The following SLC25A19 variants were observed in gnomAD, a reference collection of about 807,000 sequenced individuals.
SLC25A19 encodes the protein solute carrier family 25 member 19, also known as mitochondrial thiamine pyrophosphate carrier.
A neutral mutation model predicts 27.9 loss-of-function variants in SLC25A19; 18 were observed. That is an observed-to-expected ratio of 0.64 (90% CI 0.45 to 0.96). The LOEUF (loss-of-function observed/expected upper bound fraction) is 0.96, where lower values mean the gene tolerates loss of function less well. Among genes scored for constraint, SLC25A19 ranks in the 40% least tolerant of loss-of-function variants. The pLI is 0.00. For missense variants in SLC25A19, 371 were observed against 418.3 expected (o/e 0.89, Z 0.99); for synonymous variants, 169 against 167.1 (o/e 1.01, Z -0.09).
intron 7 of SLC25A19, among the ~76,000 whole-genome samples, chr17:75,274,121 A>T (rs1352461574): frequency 1.3e-5 from 2 of 152,194 alleles, no homozygotes; most frequent in Non-Finnish European, 2.9e-5. Flanking sequence ...GACTGAACAG[A>T]TGACAGGCCT....
At chr17:75,278,936 T>G (rs1941841341) in intron 5 of SLC25A19, among the ~76,000 whole-genome samples, 1 of 151,666 alleles carries the variant, frequency 6.6e-6, no homozygotes, top group Admixed American at 6.6e-5. Flanking sequence ...TGAGCTGAGA[T>G]TGTACCACGG....
intron 4 of SLC25A19, 36 bp from the exon 5 acceptor site, chr17:75,283,629 A>G (rs1567841149): frequency 6.2e-7 from 1 of 1,600,646 alleles, no homozygotes; most frequent in Non-Finnish European, 8.5e-7. Context: ...CGACAGCCCA[A>G]AGGATGAGGG....
intron 5 of SLC25A19, among the ~76,000 whole-genome samples, chr17:75,281,415 G>A (rs566520829): frequency 2.8e-4 from 43 of 152,190 alleles, no homozygotes; most frequent in Non-Finnish European, 5.7e-4. Context: ...ACTCGCAATT[G>A]GCCGGGCGTG....
At chr17:75,281,985 C>G (rs1451021681) in intron 5 of SLC25A19, among the ~76,000 whole-genome samples, 5 of 152,022 alleles carry the variant, frequency 3.3e-5, no homozygotes, top group African/African-American at 1.2e-4. Context: ...AGAACTCAAC[C>G]TCTGCCGAGT....
rs749764776 is a variant in SLC25A19 at position 75,278,320 on chromosome 17, G to T, written c.475C>A (p.Arg159Ser). The T allele has an allele frequency of 5.0e-6, 8 of 1,614,046 alleles. No individual in the cohort carries two copies. In the South Asian group the frequency reaches 7.7e-5, roughly 16 times the overall value. Reference protein sequence around the residue: ...QGEPKVYNTLRHAVGTMYRSE... With the variant: ...QGEPKVYNTLSHAVGTMYRSE... ...CTATACATGGTCCCCACGGCGTGGC[G>T]CAGCGTATTATAGACCTGGACACAC... Residue 159 changes from arginine to serine, a missense_variant, in exon 6 of 8, where the codon CGC (arginine) becomes AGC (serine). Physicochemically the swap from Arg to Ser is moderately radical, Grantham distance 110. Coordinates refer to ENST00000416858, the MANE Select transcript of SLC25A19 (RefSeq NM_001126121.2).
At position 75,286,416 on chromosome 17, in the gene SLC25A19, T is replaced by C; in HGVS notation, c.176A>G (p.Tyr59Cys). ...CCTAGAGGCCTGGAGGATGCCATGG[T>C]ACTTTGCGCTGGGGTCACTGCGAGA... is the stretch of plus-strand genomic sequence containing the variant. ...RLSRSDPSAK[Y>C]HGILQASRQI... The change falls in exon 4 of 8, where the codon TAC becomes TGC. Residue 59 changes from tyrosine (Y) to cysteine (C), a missense_variant. Tyr to Cys is a radical substitution (Grantham distance 194, BLOSUM62 -2). Transcript: ENST00000416858. 1 of 1,614,158 alleles carries C rather than the reference T, an allele frequency of 6.2e-7. No individual in the cohort carries two copies. Among genetic ancestry groups the C allele is most frequent in the Non-Finnish European group, 8.5e-7 (1 of 1,180,036 alleles).
Position 75,283,594 on chromosome 17 carries a change from C to T in SLC25A19, c.289-1G>A, listed in dbSNP as rs2078108617. 6.2e-7 allele frequency: 1 copy of T among 1,612,946 alleles called. No homozygotes were observed. The highest frequency in any genetic ancestry group is 8.5e-7 in the Non-Finnish European group (1 of 1,179,450). On this transcript the variant is annotated splice_acceptor_variant, in intron 4 of 7. Coordinates refer to ENST00000416858, the MANE Select transcript of SLC25A19 (RefSeq NM_001126121.2). LOFTEE classifies it high-confidence loss of function. ...CCGTCAGCATTTCAAATGACAAGAA[C>T]TGCAAGAGTAAGTGAAGAAGTCACC...
At chr17:75,289,266 T>G (rs2078255314) in intron 1 of SLC25A19, 88 bp downstream of exon 1, 1 of 152,098 alleles carries the variant, frequency 6.6e-6, no homozygotes, top group African/African-American at 2.4e-5. Context: ...AGCGCCCGGG[T>G]GCGTGTGCTC....
intron 2 of SLC25A19, 130 bp from the exon 3 acceptor site, chr17:75,286,932 C>T: frequency 4.5e-6 from 4 of 882,240 alleles, no homozygotes; most frequent in Admixed American, 2.1e-5. Flanking sequence ...CTGGGCGCAG[C>T]GGTTCATGCC....
intron 5 of SLC25A19, among the ~76,000 whole-genome samples, chr17:75,280,228 A>G (rs1220186505): frequency 2.0e-5 from 3 of 152,058 alleles, no homozygotes; most frequent in Non-Finnish European, 4.4e-5. Flanking sequence ...AAAATTAGCC[A>G]GGTGTGGTAC....
intron 7 of SLC25A19, among the ~76,000 whole-genome samples, chr17:75,274,973 C>CTTTTTTTTT (rs67040059): frequency 4.4e-4 from 21 of 47,198 alleles, no homozygotes; most frequent in East Asian, 8.6e-4. Flanking sequence ...GGATTTTGGT[C>CTTTTTTTTT]TTTTTTTTTT....
intron 6 of SLC25A19, among the ~76,000 whole-genome samples, chr17:75,277,802 C>A (rs575122153): frequency 3.3e-5 from 5 of 151,766 alleles, no homozygotes; most frequent in African/African-American, 1.2e-4. Context: ...CCACCCCTCC[C>A]CAGCCTCCCC....
At position 75,273,077 on chromosome 17, in the gene SLC25A19, G is replaced by T; in HGVS notation, c.*374C>A. On this transcript the variant is annotated 3_prime_UTR_variant, in exon 8 of 8. Transcript: ENST00000416858. ...TGACTCCTGCAAAGGGCCTACCGCA[G>T]CCCTCTGCACTCAAGCAGCAGCCCC... 1 of 348,982 alleles carries T rather than the reference G, an allele frequency of 2.9e-6. No individual in the cohort carries two copies. The highest frequency in any genetic ancestry group is 2.1e-5 in the African/African-American group (1 of 47,482). 21.6% of individuals were successfully genotyped at this position (348,982 alleles called of 1,614,324 possible).
At chr17:75,277,055 T>C (rs1272471042) in intron 7 of SLC25A19, among the ~76,000 whole-genome samples, 2 of 148,918 alleles carry the variant, frequency 1.3e-5, no homozygotes, top group African/African-American at 5.0e-5. Context: ...CTTTGGGAGG[T>C]GGAGTCAGGA....
chr17:75,282,244 C>T (rs957900396), intron 5 of SLC25A19, among the ~76,000 whole-genome samples: 1 of 151,338 alleles, frequency 6.6e-6, no homozygotes, highest in African/African-American at 2.4e-5. Context: ...CAAAACAAGA[C>T]ACTGTCTCAA....
chr17:75,273,043 G>C lies in SLC25A19; in HGVS notation c.*408C>G. ...AATAGGTTGGAAAAACAGGCCAAGT[G>C]TAGGGACCTGACTCCTGCAAAGGGC... On this transcript the variant is annotated 3_prime_UTR_variant, in exon 8 of 8. Coordinates refer to ENST00000416858, the MANE Select transcript of SLC25A19 (RefSeq NM_001126121.2). The C allele has an allele frequency of 3.0e-6, 1 of 333,440 alleles. No individual in the cohort carries two copies. The highest frequency in any genetic ancestry group is 5.8e-6 in the Non-Finnish European group (1 of 171,224). 20.7% of individuals were successfully genotyped at this position (333,440 alleles called of 1,614,324 possible).
chr17:75,278,137 T>C lies in SLC25A19; in HGVS notation c.643+15A>G. On this transcript the variant is annotated intron_variant, in intron 6 of 7. Coordinates refer to ENST00000416858, the MANE Select transcript of SLC25A19 (RefSeq NM_001126121.2). Reference sequence around the variant, plus strand: ...TGGGGTGGGAGGGCTCCCTCTCGTGTGAGGGCTGCCTCACCATTTTTCTTT... The same window carrying C: ...TGGGGTGGGAGGGCTCCCTCTCGTGCGAGGGCTGCCTCACCATTTTTCTTT... 1 of 1,612,564 alleles carries C rather than the reference T, an allele frequency of 6.2e-7. No homozygotes were observed. Among genetic ancestry groups the C allele is most frequent in the Non-Finnish European group, 8.5e-7 (1 of 1,179,858 alleles).
At chr17:75,287,910 G>A (rs565230725) in intron 2 of SLC25A19, among the ~76,000 whole-genome samples, 10 of 152,302 alleles carry the variant, frequency 6.6e-5, no homozygotes, top group East Asian at 1.9e-4. Context: ...TTGGGAGGCC[G>A]AGGCGGGTGG....
chr17:75,286,571 GC>G, intron 3 of SLC25A19, 61 bp downstream of exon 3: 1 of 1,614,054 alleles, frequency 6.2e-7, no homozygotes, highest in South Asian at 1.1e-5. Context: ...TTTAGGAACT[GC>G]TTTTGCAAGA....
Sources: gnomAD v4.1 joint callset for allele counts (sites outside exome capture counted in the v4.1 genomes callset) on GRCh38, gnomAD v4.1.1 for gene constraint, MANE v1.5 for transcripts, NCBI Gene and HGNC (gene_info 2026-07-23, HGNC 2026-07-21) for gene names.